The following ZNF518A variants were observed in gnomAD, a reference collection of about 807,000 sequenced individuals.
The protein encoded by ZNF518A is zinc finger protein 518.
A neutral mutation model predicts 102.7 loss-of-function variants in ZNF518A; 47 were observed. That is an observed-to-expected ratio of 0.46 (90% CI 0.36 to 0.58). The LOEUF is 0.58. Among genes scored for constraint, ZNF518A ranks in the 20% least tolerant of loss-of-function variants. The pLI, the probability that ZNF518A is intolerant of heterozygous loss-of-function variation, is 0.00. For synonymous variants in ZNF518A, 652 were observed against 594.6 expected (o/e 1.10, Z -1.40); for missense variants, 1,793 against 1,699.8 (o/e 1.05, Z -0.96).
chr10:96,200,256 G>T lies in ZNF518A; in HGVS notation n.36-3318G>T. The T allele has an allele frequency of 1.2e-6, 1 of 863,118 alleles. No homozygotes were observed. Among genetic ancestry groups the T allele is most frequent in the Non-Finnish European group, 1.9e-6 (1 of 527,398 alleles). 53.5% of individuals were successfully genotyped at this position (863,118 alleles called of 1,614,324 possible). ...AGACCCATTTGCATTATCAAGACAG[G>T]CCTCTACATTTACACCAATAATTTT... On this transcript the variant is annotated intron_variant and non_coding_transcript_variant, in intron 1 of 2. Coordinates refer to the ZNF518A transcript ENST00000442635. The surrounding 1 kb of genome is among the most constrained non-coding windows in gnomAD (Gnocchi z 4.3).
Position 96,200,258 on chromosome 10 carries a change from C to T in ZNF518A, n.36-3316C>T, listed in dbSNP as rs2083595039. Reference sequence around the variant, plus strand: ...ACCCATTTGCATTATCAAGACAGGCCTCTACATTTACACCAATAATTTTAA... The same window carrying T: ...ACCCATTTGCATTATCAAGACAGGCTTCTACATTTACACCAATAATTTTAA... On this transcript the variant is annotated intron_variant and non_coding_transcript_variant, in intron 1 of 2. Transcript: ENST00000442635. This position sits in a 1 kb window ranked among gnomAD's most constrained non-coding sequence, Gnocchi z 4.3. The T allele has an allele frequency of 1.2e-6, 1 of 845,954 alleles. No individual in the cohort carries two copies. The highest frequency in any genetic ancestry group is 2.1e-5 in the Admixed American group (1 of 48,726). The allele number at this position is 845,954 out of a possible 1,614,324, so 52.4% of individuals were successfully genotyped here.
At chr10:96,181,410 A>T (rs1221786559) in intron 1 of ZNF518A, among the ~76,000 whole-genome samples, 3 of 152,154 alleles carry the variant, frequency 2.0e-5, no homozygotes, top group African/African-American at 7.2e-5. Flanking sequence ...TTAGTCATGA[A>T]GTCCTTGCCC....
rs2081968258 is a variant in ZNF518A, at chr10:96,142,306, GTGT to G, written c.-302+8659_-302+8661del. ...CTGCTTTGAAAGTAATATTCTTAGG[GTGT>G]GTGTGTGTGTGTGTGTGTGTGTGTG... On this transcript the variant is annotated intron_variant, in intron 3 of 5. Transcript: ENST00000316045. 5.8e-5 allele frequency among the ~76,000 whole-genome samples: 5 copies of G among 85,710 alleles called. No homozygotes were observed. The South Asian group carries it at 1.5e-3, about 26-fold the overall frequency. 56.2% of individuals were successfully genotyped at this position (85,710 alleles called of 152,430 possible).
At position 96,157,282 on chromosome 10, in the gene ZNF518A, A is replaced by G; in HGVS notation, c.960A>G (p.Ile320Met). The change falls in exon 6 of 6, where the codon ATA becomes ATG. Residue 320 changes from isoleucine (I) to methionine (M), a missense_variant. Physicochemically the swap from Ile to Met is conservative, Grantham distance 10. This residue lies in a region of ZNF518A where 1,741 missense variants were observed against 1,622.6 expected (regional missense o/e 1.07). Transcript: ENST00000316045. ...GLKLILKRYK[I>M]GASRKTFWKR... ...AGCTAATACTGAAAAGATATAAAATAGGTGCATCAAGGAAGACGTTCTGGA... is the reference window on the plus strand; with the variant it reads ...AGCTAATACTGAAAAGATATAAAATGGGTGCATCAAGGAAGACGTTCTGGA... The G allele has an allele frequency of 4.3e-6, 7 of 1,612,226 alleles. No homozygotes were observed. The highest frequency in any genetic ancestry group is 5.9e-6 in the Non-Finnish European group (7 of 1,179,114).
intron 3 of ZNF518A, among the ~76,000 whole-genome samples, chr10:96,141,319 G>A (rs1554876434): frequency 6.6e-6 from 1 of 152,208 alleles, no homozygotes; most frequent in South Asian, 2.1e-4. Context: ...AGAAAGGAGA[G>A]ATTTAGTGTG....
intron 1 of ZNF518A, chr10:96,189,526 CT>C: frequency 1.5e-6 from 1 of 654,560 alleles, no homozygotes; most frequent in South Asian, 1.4e-5. Context: ...GAACTAGGCC[CT>C]TTTGGTGTTT....
rs782756176 is a variant in ZNF518A, at chr10:96,159,230, C to G, written c.2908C>G (p.Leu970Val). The G allele has an allele frequency of 2.5e-6, 4 of 1,613,552 alleles. No homozygotes were observed. In the Admixed American group the frequency reaches 6.7e-5, roughly 27 times the overall value. ...TAATTCACAAGGTATCCCTGCTTCT[C>G]TTTTTGTAAACAAGAAACCTGGGAT... ...LVNSQGIPAS[L>V]FVNKKPGMVL... is the part of the protein sequence containing the mutation. Residue 970 changes from leucine to valine, a missense_variant, in exon 6 of 6, where the codon CTT (leucine) becomes GTT (valine). Physicochemically the swap from Leu to Val is conservative, Grantham distance 32. Transcript: ENST00000316045.
chr10:96,159,139 A>T lies in ZNF518A; in HGVS notation c.2817A>T (p.Leu939Phe), dbSNP rs1407791982. The T allele has an allele frequency of 6.2e-7, 1 of 1,612,886 alleles. No individual in the cohort carries two copies. Among genetic ancestry groups the T allele is most frequent in the African/African-American group, 1.3e-5 (1 of 74,874 alleles). ...TTGTTCAGACTTCAAAAGGATTCTT[A>T]ATACCATTGAACATTACTAACAAGC... is the stretch of plus-strand genomic sequence containing the variant. The part of the protein sequence containing the change: ...TIIVQTSKGF[L>F]IPLNITNKPG... The change falls in exon 6 of 6, where the codon TTA (leucine) becomes TTT (phenylalanine). Residue 939 changes from leucine to phenylalanine, a missense_variant. Physicochemically the swap from Leu to Phe is conservative, Grantham distance 22. Around this residue, in one of 3 missense-constraint regions of ZNF518A, gnomAD observed 1,741 missense variants for 1,622.6 expected, o/e 1.07. Transcript: ENST00000316045.
rs781797650 is a variant in ZNF518A at position 96,157,271 on chromosome 10, A to G, written c.949A>G (p.Arg317Gly). 1.9e-6 allele frequency: 3 copies of G among 1,611,934 alleles called. No individual in the cohort carries two copies. Among genetic ancestry groups the G allele is most frequent in the Non-Finnish European group, 2.5e-6 (3 of 1,179,076 alleles). ...TGCAGGACTTAAGCTAATACTGAAA[A>G]GATATAAAATAGGTGCATCAAGGAA... ...TSAGLKLILK[R>G]YKIGASRKTF... The change falls in exon 6 of 6, where the codon AGA (arginine) becomes GGA (glycine). Residue 317 changes from arginine (R) to glycine (G), a missense_variant. Coordinates refer to ENST00000316045, the MANE Select transcript of ZNF518A (RefSeq NM_001330736.2).
chr10:96,204,544 G>A (rs2083745369), downstream of ZNF518A: 3 of 1,613,932 alleles, frequency 1.9e-6, no homozygotes, highest in African/African-American at 4.0e-5. Flanking sequence ...CTGGGCAGGA[G>A]GAAACACTGG....
At position 96,163,461 on chromosome 10, in the gene ZNF518A, A is replaced by AG. The variant is rs1428628186; in HGVS notation, c.*2687_*2688insG. 2 of 105,258 alleles carry AG rather than the reference A, an allele frequency of 1.9e-5. No individual in the cohort carries two copies. Among genetic ancestry groups the AG allele is most frequent in the Non-Finnish European group, 3.3e-5 (1 of 30,196 alleles). The allele number at this position is 105,258 out of a possible 1,614,324, so 6.5% of individuals were successfully genotyped here. A position where few individuals can be genotyped will look rare whatever the true frequency, so the allele number is the denominator to read the frequency against. On this transcript the variant is annotated 3_prime_UTR_variant, in exon 6 of 6. Transcript: ENST00000316045. ...TTGTTTTATTTTTTCTAGTTTGTCCATCTCCACTGAAATGGGTTTCTTACT... is the reference window on the plus strand; with the variant it reads ...TTGTTTTATTTTTTCTAGTTTGTCCAGTCTCCACTGAAATGGGTTTCTTACT...
intron 3 of ZNF518A, among the ~76,000 whole-genome samples, chr10:96,140,937 C>G (rs1554876302): frequency 3.9e-5 from 6 of 151,912 alleles, no homozygotes. Context: ...GAGTAAGACC[C>G]TGTCTCAAAA....
intron 1 of ZNF518A, among the ~76,000 whole-genome samples, chr10:96,180,749 G>T (rs868954458): frequency 6.6e-6 from 1 of 152,164 alleles, no homozygotes; most frequent in Non-Finnish European, 1.5e-5. Context: ...TATCACTGAT[G>T]GACATTTGGG....
Position 96,160,442 on chromosome 10 carries a change from G to A in ZNF518A, c.4120G>A (p.Val1374Ile). The A allele has an allele frequency of 6.2e-7, 1 of 1,613,438 alleles. No homozygotes were observed. Among genetic ancestry groups the A allele is most frequent in the Non-Finnish European group, 8.5e-7 (1 of 1,179,604 alleles). Residue 1374 changes from valine (V) to isoleucine (I), a missense_variant, in exon 6 of 6, where the codon GTA (valine) becomes ATA (isoleucine). This residue lies in a region of ZNF518A where 1,741 missense variants were observed against 1,622.6 expected (regional missense o/e 1.07). Coordinates refer to ENST00000316045, the MANE Select transcript of ZNF518A (RefSeq NM_001330736.2). ...AACTATTGCTAAATTTAATGGACAT[G>A]TACTTAAGGTTTCATTGTCAAAAAG... ...MKTIAKFNGH[V>I]LKVSLSKRTI...
At chr10:96,140,149 C>T (rs182058714) in intron 3 of ZNF518A, among the ~76,000 whole-genome samples, 5 of 152,238 alleles carry the variant, frequency 3.3e-5, no homozygotes, top group Non-Finnish European at 5.9e-5. Context: ...TGAGCCACCT[C>T]GCCCGGCCCA....
intron 1 of ZNF518A, among the ~76,000 whole-genome samples, chr10:96,197,609 G>A (rs1198050485): frequency 2.0e-5 from 3 of 152,162 alleles, no homozygotes; most frequent in Admixed American, 6.5e-5. Flanking sequence ...GAAAAAAAAT[G>A]TATCAAACAA....
intron 3 of ZNF518A, among the ~76,000 whole-genome samples, chr10:96,133,938 ATTTG>A (rs2081467486): frequency 6.6e-6 from 1 of 152,168 alleles, no homozygotes; most frequent in African/African-American, 2.4e-5. Flanking sequence ...CCTATATAAT[ATTTG>A]TTTGACTTCC....
chr10:96,130,288 C>T (rs1187811135), upstream of ZNF518A, among the ~76,000 whole-genome samples: 2 of 152,238 alleles, frequency 1.3e-5, no homozygotes, highest in Non-Finnish European at 2.9e-5. Flanking sequence ...CCATTCAGCG[C>T]TTCCGCTTAA....
chr10:96,190,930 A>G (rs1391911418), intron 1 of ZNF518A, among the ~76,000 whole-genome samples: 1 of 152,080 alleles, frequency 6.6e-6, no homozygotes, highest in Non-Finnish European at 1.5e-5. Flanking sequence ...CTGTCATTCC[A>G]CTTTGAAACT....
Sources: allele counts gnomAD v4.1 joint callset (sites outside exome capture counted in the v4.1 genomes callset), GRCh38; gene constraint gnomAD v4.1.1; regional missense constraint gnomAD v4.1.1; non-coding constraint Gnocchi (gnomAD v3.1); transcripts MANE v1.5; gene names NCBI Gene and HGNC (gene_info 2026-07-23, HGNC 2026-07-21).